Variants in PLB1 observed in about 807,000 individuals in gnomAD.
PLB1 encodes phospholipase B1, membrane-associated.
PLB1 carries 242 observed loss-of-function variants against 227.4 expected under a neutral mutation model. The observed-to-expected ratio is 1.06, with a 90% CI of 0.96 to 1.18. PLB1 has a LOEUF of 1.18. PLB1 is among the 50% of genes most tolerant of loss of function. The probability of loss-of-function intolerance (pLI) is 0.00; values close to 1 mark genes in which losing one functional copy is unlikely to be tolerated. For synonymous variants in PLB1, 757 were observed against 682.2 expected (o/e 1.11, Z -1.71); for missense variants, 1,858 against 1,816.3 (o/e 1.02, Z -0.42).
At chr2:28,556,460 C>T (rs1558751356) in intron 17 of PLB1, among the ~76,000 whole-genome samples, 1 of 152,154 alleles carries the variant, frequency 6.6e-6, no homozygotes, top group South Asian at 2.1e-4. Context: ...TAAAAACTTG[C>T]AACTTTTTCC....
chr2:28,549,711 T>G (rs1415552267), intron 15 of PLB1, among the ~76,000 whole-genome samples: 1 of 152,220 alleles, frequency 6.6e-6, no homozygotes, highest in South Asian at 2.1e-4. Flanking sequence ...CTTTTTGCTT[T>G]GGCTGCCAAG....
At chr2:28,591,042 C>T in intron 29 of PLB1, 91 bp from the exon 30 acceptor site, 1 of 1,517,578 alleles carries the variant, frequency 6.6e-7, no homozygotes, top group Non-Finnish European at 9.1e-7. Flanking sequence ...CAGGCCGCAG[C>T]TGTTTGTGCC....
intron 1 of PLB1, among the ~76,000 whole-genome samples, chr2:28,511,918 G>T (rs1202199139): frequency 6.6e-6 from 1 of 150,484 alleles, no homozygotes; most frequent in Non-Finnish European, 1.5e-5. Flanking sequence ...CCAAGTAGCT[G>T]GGATTACAGG....
chr2:28,608,924 T>C (rs1685062926), intron 43 of PLB1, among the ~76,000 whole-genome samples: 1 of 152,074 alleles, frequency 6.6e-6, no homozygotes, highest in Admixed American at 6.5e-5. Flanking sequence ...CCTTTTTCAC[T>C]CACTTTTTGA....
At chr2:28,532,961 T>G (rs1005355647) in intron 9 of PLB1, among the ~76,000 whole-genome samples, 1 of 152,192 alleles carries the variant, frequency 6.6e-6, no homozygotes, top group Non-Finnish European at 1.5e-5. Flanking sequence ...TTTAGAAATC[T>G]AAGCCATGGT....
At chr2:28,638,242 G>C (rs757934127) in intron 56 of PLB1, among the ~76,000 whole-genome samples, 4 of 151,888 alleles carry the variant, frequency 2.6e-5, no homozygotes, top group Non-Finnish European at 5.9e-5. Context: ...GTGGGGGAGA[G>C]GGAGGCCTCC....
At chr2:28,497,399 G>A (rs1410096027) in intron 1 of PLB1, among the ~76,000 whole-genome samples, 6 of 152,220 alleles carry the variant, frequency 3.9e-5, no homozygotes, top group African/African-American at 4.8e-5. Context: ...AGGCAGGCAG[G>A]GGAGTGGGAA....
At chr2:28,538,785 C>T (rs1304118799) in intron 10 of PLB1, among the ~76,000 whole-genome samples, 3 of 152,192 alleles carry the variant, frequency 2.0e-5, no homozygotes, top group Non-Finnish European at 4.4e-5. Context: ...CTTTGCTCCC[C>T]TGGAGGGCAG....
chr2:28,606,389 C>T (rs982400038), intron 42 of PLB1, 107 bp from the exon 43 acceptor site: 32 of 1,156,924 alleles, frequency 2.8e-5, no homozygotes, highest in Non-Finnish European at 3.7e-5. Flanking sequence ...GCCAAGCCCC[C>T]TGAAATCGAG....
chr2:28,593,118 A>G (rs1162903905), intron 32 of PLB1, among the ~76,000 whole-genome samples: 4 of 152,074 alleles, frequency 2.6e-5, no homozygotes. Flanking sequence ...AAGCAGCAGG[A>G]CTCCTTAGTT....
At chr2:28,581,501 AT>A (rs1558821767) in intron 23 of PLB1, among the ~76,000 whole-genome samples, 8,059 of 123,194 alleles carry the variant, frequency 0.065, 397 homozygotes, top group Non-Finnish European at 0.082. Flanking sequence ...AAATAAATAA[AT>A]AAATAAATAA....
At chr2:28,547,534 C>T (rs1673482105) in intron 14 of PLB1, among the ~76,000 whole-genome samples, 1 of 152,186 alleles carries the variant, frequency 6.6e-6, no homozygotes, top group Non-Finnish European at 1.5e-5. Context: ...CTTATTGGGG[C>T]ACAGATGCTG....
chr2:28,540,108 C>T (rs1250531907), intron 11 of PLB1, among the ~76,000 whole-genome samples: 1 of 147,784 alleles, frequency 6.8e-6, no homozygotes, highest in African/African-American at 2.5e-5. Flanking sequence ...CCCATATCGA[C>T]CCCCTAGGAA....
At chr2:28,505,157 A>G (rs1667514183) in intron 1 of PLB1, among the ~76,000 whole-genome samples, 1 of 152,188 alleles carries the variant, frequency 6.6e-6, no homozygotes, top group African/African-American at 2.4e-5. Flanking sequence ...CATTTTACAG[A>G]TGAGAAAACT....
intron 16 of PLB1, among the ~76,000 whole-genome samples, chr2:28,551,840 A>G (rs893661626): frequency 6.6e-6 from 1 of 152,236 alleles, no homozygotes; most frequent in Non-Finnish European, 1.5e-5. Flanking sequence ...TATTGCTATC[A>G]TTATCATTGG....
At chr2:28,596,494 G>A (rs755969860) in intron 33 of PLB1, among the ~76,000 whole-genome samples, 10 of 152,184 alleles carry the variant, frequency 6.6e-5, no homozygotes, top group Non-Finnish European at 1.3e-4. Flanking sequence ...TACTTGATGC[G>A]TTTGTGTTTG....
intron 56 of PLB1, among the ~76,000 whole-genome samples, chr2:28,634,869 C>A (rs1689112698): frequency 1.3e-5 from 2 of 152,030 alleles, no homozygotes; most frequent in Admixed American, 1.3e-4. Context: ...CGAGATGGCA[C>A]CACCGCACTC....
rs755951370 is a variant in PLB1, at chr2:28,525,250, T to C, written c.244-17T>C. 11 of 1,612,480 alleles carry C rather than the reference T, an allele frequency of 6.8e-6. No individual in the cohort carries two copies. The highest frequency in any genetic ancestry group is 1.1e-5 in the South Asian group (1 of 90,920). ...CACCTCCCCTGGCTGGGTGTTAACA[T>C]TGAGTATCTATTCCAGCCTCCAGAC... On this transcript the variant is annotated splice_polypyrimidine_tract_variant and intron_variant, in intron 4 of 57. Coordinates refer to ENST00000327757, the MANE Select transcript of PLB1 (RefSeq NM_153021.5).
rs1572748032 is a variant in PLB1, at chr2:28,525,267, C to T, written c.244C>T (p.Pro82Ser). The T allele has an allele frequency of 6.2e-7, 1 of 1,613,356 alleles. No individual in the cohort carries two copies. Among genetic ancestry groups the T allele is most frequent in the Non-Finnish European group, 8.5e-7 (1 of 1,179,890 alleles). ...FVAAIGNLEI[P>S]PDPGTGDLEK... ...TGTTAACATTGAGTATCTATTCCAG[C>T]CTCCAGACCCAGGGACGGGCGATCT... Residue 82 changes from proline (P) to serine (S), a missense_variant and splice_region_variant, in exon 5 of 58, where the codon CCT becomes TCT. Transcript: ENST00000327757.
Sources: gnomAD v4.1 joint callset for allele counts (sites outside exome capture counted in the v4.1 genomes callset) on GRCh38, gnomAD v4.1.1 for gene constraint, MANE v1.5 for transcripts, NCBI Gene and HGNC (gene_info 2026-07-23, HGNC 2026-07-21) for gene names.